TWSG1: variants seen among roughly 807,000 people sequenced by gnomAD.
TWSG1 encodes twisted gastrulation BMP signaling modulator 1.
A neutral mutation model predicts 23.0 loss-of-function variants in TWSG1; 15 were observed. That is an observed-to-expected ratio of 0.65 (90% CI 0.44 to 1.00). TWSG1 has a LOEUF of 1.00. TWSG1 is among the 50% of genes least tolerant of loss of function. TWSG1 has a pLI of 0.00. For synonymous variants in TWSG1, 86 were observed against 92.8 expected, an observed-to-expected ratio of 0.93 and a Z score of 0.42; for missense variants, 242 against 278.7, an observed-to-expected ratio of 0.87 and a Z score of 0.94.
intron 3 of TWSG1, among the ~76,000 whole-genome samples, chr18:9,366,023 A>C (rs528206267): frequency 6.6e-6 from 1 of 152,228 alleles, no homozygotes; most frequent in South Asian, 2.1e-4. Context: ...TAAAAGAAAA[A>C]ATTAATAACT....
intron 3 of TWSG1, among the ~76,000 whole-genome samples, chr18:9,362,096 G>C (rs907638147): frequency 9.2e-5 from 14 of 152,114 alleles, no homozygotes; most frequent in African/African-American, 3.4e-4. Context: ...TATTCATCTT[G>C]GTATCTCTAA....
intron 3 of TWSG1, among the ~76,000 whole-genome samples, chr18:9,383,295 A>G (rs2040667921): frequency 1.3e-5 from 2 of 149,902 alleles, no homozygotes; most frequent in African/African-American, 4.9e-5. Context: ...CCAGGTTCAA[A>G]CGATTCTCCT....
rs1441514252 is a variant in TWSG1, at chr18:9,337,315, C to T, written c.86C>T (p.Ala29Val). Residue 29 changes from alanine to valine, a missense_variant, in exon 2 of 5, where the codon GCA becomes GTA. Physicochemically the swap from Ala to Val is moderately conservative, Grantham distance 64. Coordinates refer to ENST00000262120, the MANE Select transcript of TWSG1 (RefSeq NM_020648.6). ...WLPESLSCNK[A>V]LCASDVSKCL... ...CCAGAATCACTGAGCTGTAACAAAG[C>T]ACTCTGTGCTAGTGATGTGAGCAAA... The T allele has an allele frequency of 2.5e-6, 4 of 1,613,466 alleles. No individual in the cohort carries two copies. Among genetic ancestry groups the T allele is most frequent in the Non-Finnish European group, 3.4e-6 (4 of 1,179,972 alleles).
At chr18:9,393,389 A>T (rs1162140175) in intron 3 of TWSG1, among the ~76,000 whole-genome samples, 1 of 152,136 alleles carries the variant, frequency 6.6e-6, no homozygotes, top group African/African-American at 2.4e-5. Context: ...TTGTGGGGAT[A>T]CCTCCTCTCT....
chr18:9,339,869 A>C (rs796123086), intron 2 of TWSG1, among the ~76,000 whole-genome samples: 5 of 152,272 alleles, frequency 3.3e-5, no homozygotes, highest in African/African-American at 1.2e-4. Flanking sequence ...GTGTAAAAAA[A>C]CTGGAAAAGC....
At chr18:9,339,347 TAC>T (rs2040435967) in intron 2 of TWSG1, among the ~76,000 whole-genome samples, 1 of 152,196 alleles carries the variant, frequency 6.6e-6, no homozygotes, top group Non-Finnish European at 1.5e-5. Context: ...TTGGCTCTAT[TAC>T]AGCTTACTAC....
chr18:9,358,016 G>A (rs968916637), intron 2 of TWSG1, among the ~76,000 whole-genome samples: 26 of 152,186 alleles, frequency 1.7e-4, no homozygotes, highest in African/African-American at 5.5e-4. Flanking sequence ...TAAACAGGGC[G>A]TTTTTGGTTG....
Position 9,384,966 on chromosome 18 carries a change from G to T in TWSG1, c.224-11314G>T, listed in dbSNP as rs539740562. On this transcript the variant is annotated intron_variant, in intron 3 of 4. Transcript: ENST00000262120. The stretch of plus-strand genomic sequence containing the variant: ...CCGGCCCAGATGTGCTTGCTCTTTA[G>T]TAAACAGATTGGAAGGAACACCAAA... Among the ~76,000 whole-genome samples the T allele has an allele frequency of 4.6e-5, 7 of 152,242 alleles. No homozygotes were observed. In the South Asian group the frequency reaches 1.5e-3, roughly 32 times the overall value.
intron 4 of TWSG1, among the ~76,000 whole-genome samples, chr18:9,397,448 T>C (rs528498392): frequency 6.6e-6 from 1 of 152,330 alleles, no homozygotes; most frequent in Admixed American, 6.5e-5. Flanking sequence ...GAAAATAACT[T>C]ATACAAATTA....
intron 2 of TWSG1, among the ~76,000 whole-genome samples, chr18:9,346,044 A>G (rs969563869): frequency 6.6e-5 from 10 of 152,158 alleles, no homozygotes; most frequent in Non-Finnish European, 1.3e-4. Context: ...TTACATTTTT[A>G]TGGGTTTTGA....
At chr18:9,372,580 C>A in intron 3 of TWSG1, among the ~76,000 whole-genome samples, 1 of 148,386 alleles carries the variant, frequency 6.7e-6, no homozygotes. Context: ...CTTATGTTTG[C>A]TTATATATAA....
At chr18:9,348,637 C>T (rs912131517) in intron 2 of TWSG1, among the ~76,000 whole-genome samples, 13 of 152,178 alleles carry the variant, frequency 8.5e-5, no homozygotes, top group Admixed American at 6.5e-5. Context: ...GGCACATTGA[C>T]ATTTTAGATA....
intron 2 of TWSG1, among the ~76,000 whole-genome samples, chr18:9,344,517 G>GTGTGTGTGTGTATGTGTA (rs1555650744): frequency 2.8e-5 from 3 of 105,760 alleles, no homozygotes; most frequent in Non-Finnish European, 3.6e-5. Context: ...GTGTGTGTGT[G>GTGTGTGTGTGTATGTGTA]TGTGTATGTA....
Position 9,402,374 on chromosome 18 carries a change from G to T in TWSG1, c.*2847G>T, listed in dbSNP as rs2040766791. The T allele has an allele frequency of 1.3e-5, 2 of 151,784 alleles. No individual in the cohort carries two copies. The highest frequency in any genetic ancestry group is 2.9e-5 in the Non-Finnish European group (2 of 67,926). The allele number at this position is 151,784 out of a possible 1,614,324, so 9.4% of individuals were successfully genotyped here. On this transcript the variant is annotated 3_prime_UTR_variant, in exon 5 of 5. Transcript: ENST00000262120. ...CATATAAAATTGTGTATTTTTCTTTGGTTGTCCCTATTAACAAAAAAGTAT... is the reference window on the plus strand; with the variant it reads ...CATATAAAATTGTGTATTTTTCTTTTGTTGTCCCTATTAACAAAAAAGTAT...
At chr18:9,393,207 A>G (rs2040720349) in intron 3 of TWSG1, among the ~76,000 whole-genome samples, 1 of 152,274 alleles carries the variant, frequency 6.6e-6, no homozygotes. Flanking sequence ...TATGAAGTCC[A>G]GTAAAATACA....
chr18:9,357,088 T>G (rs867102194), intron 2 of TWSG1, among the ~76,000 whole-genome samples: 4 of 152,118 alleles, frequency 2.6e-5, no homozygotes, highest in African/African-American at 9.7e-5. Flanking sequence ...GGCAACTCTG[T>G]TTTTCTACAT....
intron 2 of TWSG1, among the ~76,000 whole-genome samples, chr18:9,355,359 C>A (rs920244466): frequency 6.6e-6 from 1 of 152,104 alleles, no homozygotes; most frequent in Non-Finnish European, 1.5e-5. Flanking sequence ...GAGAGTTGTT[C>A]TGAGTTGTTT....
rs1289535866 is a variant in TWSG1 at position 9,343,250 on chromosome 18, A to C, written c.123+5898A>C. On this transcript the variant is annotated intron_variant, in intron 2 of 4. Coordinates refer to ENST00000262120, the MANE Select transcript of TWSG1 (RefSeq NM_020648.6). The stretch of plus-strand genomic sequence containing the variant: ...TATATATATATATATATATATATAT[A>C]TATATATATATCTTGTCCTAACATA... Among the ~76,000 whole-genome samples the C allele has an allele frequency of 1.1e-3, 43 of 38,840 alleles. 1 individual carries two copies. Among genetic ancestry groups the C allele is most frequent in the African/African-American group, 3.5e-3 (40 of 11,444 alleles). 25.5% of individuals were successfully genotyped at this position (38,840 alleles called of 152,430 possible).
chr18:9,355,440 C>T (rs1352986227), intron 2 of TWSG1, among the ~76,000 whole-genome samples: 1 of 152,136 alleles, frequency 6.6e-6, no homozygotes, highest in Non-Finnish European at 1.5e-5. Flanking sequence ...AACATTCATC[C>T]TAACCGCAGC....
Sources: allele counts gnomAD v4.1 joint callset (sites outside exome capture counted in the v4.1 genomes callset), GRCh38; gene constraint gnomAD v4.1.1; transcripts MANE v1.5; gene names NCBI Gene and HGNC (gene_info 2026-07-23, HGNC 2026-07-21).